Variants in TMEM167A observed in about 807,000 individuals in gnomAD.
TMEM167A encodes protein kish-A.
A neutral mutation model predicts 11.6 loss-of-function variants in TMEM167A; 8 were observed. That is an observed-to-expected ratio of 0.69 (90% CI 0.40 to 1.24). The LOEUF (loss-of-function observed/expected upper bound fraction) is 1.24, where lower values mean the gene tolerates loss of function less well. Ranked by LOEUF, TMEM167A falls within the 50% of genes most tolerant of loss-of-function variation. TMEM167A has a pLI of 0.01. For synonymous variants in TMEM167A, 22 were observed against 28.0 expected (o/e 0.79, Z 0.67); for missense variants, 62 against 87.0 (o/e 0.71, Z 1.14).
rs1293551527 is a variant in TMEM167A, at chr5:83,061,929, A to G, written c.114-18T>C. ...CCAACAATCTGCATAGAATAAAAAAAGAAAAAAAGTAGCTATTGATTACTC... is the reference window on the plus strand; with the variant it reads ...CCAACAATCTGCATAGAATAAAAAAGGAAAAAAAGTAGCTATTGATTACTC... On this transcript the variant is annotated intron_variant, in intron 2 of 3. Coordinates refer to ENST00000502346, the MANE Select transcript of TMEM167A (RefSeq NM_174909.5). 1.2e-6 allele frequency: 2 copies of G among 1,607,088 alleles called. No individual in the cohort carries two copies. Among genetic ancestry groups the G allele is most frequent in the East Asian group, 2.2e-5 (1 of 44,782 alleles).
intron 1 of TMEM167A, among the ~76,000 whole-genome samples, chr5:83,066,098 C>T (rs1290686654): frequency 1.3e-5 from 2 of 151,896 alleles, no homozygotes; most frequent in Non-Finnish European, 2.9e-5. Context: ...ATATGCCTGT[C>T]TCACACTAGA....
chr5:83,059,929 T>C (rs984678347), intron 3 of TMEM167A, among the ~76,000 whole-genome samples: 2 of 151,492 alleles, frequency 1.3e-5, no homozygotes, highest in African/African-American at 2.4e-5. Context: ...TTATCTAGGG[T>C]ATATCTGTGA....
chr5:83,077,191 G>C, intron 1 of TMEM167A, 130 bp downstream of exon 1: 1 of 1,347,334 alleles, frequency 7.4e-7, no homozygotes, highest in East Asian at 2.3e-5. Context: ...GCCGTGGAGG[G>C]ACCACATGGC....
chr5:83,077,176 G>A, intron 1 of TMEM167A, 145 bp downstream of exon 1: 1 of 1,159,696 alleles, frequency 8.6e-7, no homozygotes, highest in Non-Finnish European at 1.3e-6. Flanking sequence ...GATTCTCTCT[G>A]GTTGGCCGTG....
chr5:83,065,000 T>G lies in TMEM167A; in HGVS notation c.113+8A>C, dbSNP rs749142237. The G allele has an allele frequency of 6.5e-7, 1 of 1,548,356 alleles. No homozygotes were observed. Among genetic ancestry groups the G allele is most frequent in the South Asian group, 1.2e-5 (1 of 86,878 alleles). ...AATTTGGGTGATTAGACATCATTAGTAACATACCCAGTTTTATTTCTGTCC... is the reference window on the plus strand; with the variant it reads ...AATTTGGGTGATTAGACATCATTAGGAACATACCCAGTTTTATTTCTGTCC... On this transcript the variant is annotated splice_region_variant and intron_variant, in intron 2 of 3. Transcript: ENST00000502346.
intron 1 of TMEM167A, among the ~76,000 whole-genome samples, chr5:83,067,536 GCTCTACTGC>G (rs1430543244): frequency 2.0e-5 from 3 of 152,098 alleles, no homozygotes; most frequent in African/African-American, 7.2e-5. Context: ...ACAGAGTCTT[GCTCTACTGC>G]CCAGGCTGAA....
intron 1 of TMEM167A, among the ~76,000 whole-genome samples, chr5:83,072,479 C>G (rs1016361357): frequency 6.6e-6 from 1 of 152,244 alleles, no homozygotes; most frequent in South Asian, 2.1e-4. Context: ...GCCATCATTG[C>G]CCAGAAATTT....
rs142953002 is a variant in TMEM167A at position 83,059,479 on chromosome 5, T to C, written c.149-2325A>G. On this transcript the variant is annotated intron_variant, in intron 3 of 3. Coordinates refer to ENST00000502346, the MANE Select transcript of TMEM167A (RefSeq NM_174909.5). Reference sequence around the variant, plus strand: ...TCCATTATGTTCTCTCTTTGTACTTTACTTGAGGTATTCTTAACCACTGTT... The same window carrying C: ...TCCATTATGTTCTCTCTTTGTACTTCACTTGAGGTATTCTTAACCACTGTT... Among the ~76,000 whole-genome samples, 400 of 152,220 alleles carry C rather than the reference T, an allele frequency of 2.6e-3. 2 individuals carry two copies. The highest frequency in any genetic ancestry group is 8.8e-3 in the African/African-American group (364 of 41,508).
intron 2 of TMEM167A, chr5:83,064,271 T>C (rs773892344): frequency 9.6e-6 from 5 of 518,706 alleles, no homozygotes; most frequent in African/African-American, 5.8e-5. Context: ...AACTCCTTTG[T>C]TAATGTAGCA....
At chr5:83,067,470 A>G (rs1332242405) in intron 1 of TMEM167A, among the ~76,000 whole-genome samples, 3 of 152,156 alleles carry the variant, frequency 2.0e-5, no homozygotes, top group African/African-American at 4.8e-5. Flanking sequence ...TTATGCAAAG[A>G]AAGTGTGAAA....
rs972924555 is a variant in TMEM167A at position 83,054,649 on chromosome 5, C to G, written c.*2435G>C. ...GCTAAATGATGAGAACTCAAGGACA[C>G]AAAGAAAGGAACAACAGACACTGGG... On this transcript the variant is annotated 3_prime_UTR_variant, in exon 4 of 4. Coordinates refer to ENST00000502346, the MANE Select transcript of TMEM167A (RefSeq NM_174909.5). 1 of 151,774 alleles carries G rather than the reference C, an allele frequency of 6.6e-6. No homozygotes were observed. Among genetic ancestry groups the G allele is most frequent in the Non-Finnish European group, 1.5e-5 (1 of 67,914 alleles). The allele number at this position is 151,774 out of a possible 1,614,324, so 9.4% of individuals were successfully genotyped here.
At chr5:83,074,149 T>C (rs1230726042) in intron 1 of TMEM167A, among the ~76,000 whole-genome samples, 1 of 152,216 alleles carries the variant, frequency 6.6e-6, no homozygotes, top group African/African-American at 2.4e-5. Context: ...GCCCCAATCT[T>C]TCTAGCCTCA....
At chr5:83,058,335 C>T (rs749460770) in intron 3 of TMEM167A, among the ~76,000 whole-genome samples, 10 of 151,900 alleles carry the variant, frequency 6.6e-5, no homozygotes, top group African/African-American at 2.4e-4. Context: ...AAAAAATAAA[C>T]TTTTGGGGTT....
chr5:83,061,748 T>A, intron 3 of TMEM167A, 129 bp downstream of exon 3: 1 of 890,522 alleles, frequency 1.1e-6, no homozygotes, highest in Non-Finnish European at 1.8e-6. Context: ...CTTATAAACT[T>A]TTGCGAAAAT....
At chr5:83,061,134 C>A (rs1204277055) in intron 3 of TMEM167A, among the ~76,000 whole-genome samples, 1 of 152,012 alleles carries the variant, frequency 6.6e-6, no homozygotes, top group Non-Finnish European at 1.5e-5. Context: ...GTTCAATAGA[C>A]AAAACAGTTA....
chr5:83,059,074 C>T (rs928389952), intron 3 of TMEM167A, among the ~76,000 whole-genome samples: 1 of 150,486 alleles, frequency 6.6e-6, no homozygotes, highest in African/African-American at 2.5e-5. Context: ...AATGCTTTCA[C>T]AGAATTGGCA....
chr5:83,075,633 T>C (rs1303380758), intron 1 of TMEM167A, among the ~76,000 whole-genome samples: 1 of 151,780 alleles, frequency 6.6e-6, no homozygotes, highest in Non-Finnish European at 1.5e-5. Context: ...TAGTCCCAGC[T>C]ACTCGGGAGG....
intron 1 of TMEM167A, among the ~76,000 whole-genome samples, chr5:83,069,106 A>C (rs1744526064): frequency 6.6e-6 from 1 of 152,226 alleles, no homozygotes. Flanking sequence ...TACAAGTATG[A>C]AATATATGAT....
intron 2 of TMEM167A, 42 bp downstream of exon 2, chr5:83,064,966 G>C: frequency 8.6e-7 from 1 of 1,167,132 alleles, no homozygotes; most frequent in Non-Finnish European, 1.3e-6. Context: ...TTGAACATTT[G>C]TAAGAACTAA....
Sources: gnomAD v4.1 joint callset for allele counts (sites outside exome capture counted in the v4.1 genomes callset) on GRCh38, gnomAD v4.1.1 for gene constraint, MANE v1.5 for transcripts, NCBI Gene and HGNC (gene_info 2026-07-23, HGNC 2026-07-21) for gene names.